XKR6: variants seen among roughly 807,000 people sequenced by gnomAD.
The protein encoded by XKR6 is XK related 6, also known as XK-related protein 6.
In XKR6, 22 loss-of-function variants were observed where a neutral mutation model predicts 56.7. That is an observed-to-expected ratio of 0.39 (90% confidence interval 0.28 to 0.55). XKR6 has a LOEUF of 0.55. Among genes scored for constraint, XKR6 ranks in the 20% least tolerant of loss-of-function variants. The probability of loss-of-function intolerance (pLI) is 0.66; values close to 1 mark genes in which losing one functional copy is unlikely to be tolerated. For synonymous variants in XKR6, 524 were observed against 387.8 expected, an observed-to-expected ratio of 1.35 and a Z score of -4.13; for missense variants, 852 against 889.0, an observed-to-expected ratio of 0.96 and a Z score of 0.53.
chr8:11,123,758 AAC>A (rs1457526791), intron 1 of XKR6: 10 of 432,502 alleles, frequency 2.3e-5, no homozygotes, highest in Non-Finnish European at 3.3e-5. Flanking sequence ...GGGAAAAAAA[AAC>A]AAAAAATGAA....
intron 1 of XKR6, among the ~76,000 whole-genome samples, chr8:10,945,789 C>A (rs1311751439): frequency 6.6e-6 from 1 of 152,194 alleles, no homozygotes; most frequent in African/African-American, 2.4e-5. Flanking sequence ...CTTCCCTTCT[C>A]CAGGCTCTGG....
At chr8:10,921,800 G>C (rs1800729463) in intron 2 of XKR6, among the ~76,000 whole-genome samples, 1 of 152,222 alleles carries the variant, frequency 6.6e-6, no homozygotes, top group Non-Finnish European at 1.5e-5. Context: ...TGGTGGTACA[G>C]AGTGGGGAAG....
intron 1 of XKR6, among the ~76,000 whole-genome samples, chr8:11,141,747 T>C (rs1800709875): frequency 1.3e-5 from 2 of 151,994 alleles, no homozygotes; most frequent in Admixed American, 1.3e-4. Context: ...CCATAGCCCT[T>C]GACTGGTGAC....
chr8:11,092,623 C>T (rs1798112685), intron 1 of XKR6, among the ~76,000 whole-genome samples: 2 of 152,126 alleles, frequency 1.3e-5, no homozygotes. Context: ...TGGTCCTGCC[C>T]TGCAAACAAG....
At chr8:11,129,473 C>T (rs1354186701) in intron 1 of XKR6, among the ~76,000 whole-genome samples, 2 of 152,116 alleles carry the variant, frequency 1.3e-5, no homozygotes, top group East Asian at 1.9e-4. Context: ...TGTTATCAAA[C>T]AGTGGAGAGC....
intron 1 of XKR6, among the ~76,000 whole-genome samples, chr8:10,977,668 A>C (rs917782042): frequency 3.3e-5 from 5 of 149,456 alleles, no homozygotes; most frequent in Admixed American, 1.4e-4. Flanking sequence ...CTCTGCCTCG[A>C]AAGGTCTATC....
intron 1 of XKR6, among the ~76,000 whole-genome samples, chr8:11,017,380 G>A (rs551338738): frequency 4.7e-4 from 72 of 152,336 alleles, no homozygotes; most frequent in African/African-American, 1.6e-3. Context: ...TGCTTACGCC[G>A]GGCAAACTGT....
chr8:10,926,654 G>A (rs1459956252), intron 1 of XKR6, among the ~76,000 whole-genome samples: 1 of 152,252 alleles, frequency 6.6e-6, no homozygotes, highest in African/African-American at 2.4e-5. Context: ...GGGGTCCCTG[G>A]CCCACCTTGC....
intron 1 of XKR6, among the ~76,000 whole-genome samples, chr8:11,065,925 T>C (rs1321017590): frequency 6.6e-6 from 1 of 152,208 alleles, no homozygotes; most frequent in Non-Finnish European, 1.5e-5. Context: ...GTGCCCACAG[T>C]ACCTGGGTTC....
At chr8:11,014,593 C>A (rs981216009) in intron 1 of XKR6, among the ~76,000 whole-genome samples, 10 of 152,154 alleles carry the variant, frequency 6.6e-5, no homozygotes, top group Non-Finnish European at 7.3e-5. Context: ...TTAGTCTCAG[C>A]TCAAAGTCTT....
Position 11,148,651 on chromosome 8 carries a change from T to C in XKR6, c.764+51925A>G, listed in dbSNP as rs79220440. On this transcript the variant is annotated intron_variant, in intron 1 of 2. Coordinates refer to ENST00000416569, the MANE Select transcript of XKR6 (RefSeq NM_173683.4). ...TAAAACCTTAAACATATACCTATCA[T>C]ATGATCCAGCTATTCCACTCCTAGG... Among the ~76,000 whole-genome samples the C allele has an allele frequency of 2.9e-3, 438 of 152,316 alleles. 1 individual carries two copies. The highest frequency in any genetic ancestry group is 0.01 in the African/African-American group (420 of 41,564).
At chr8:11,157,512 A>C (rs1801580505) in intron 1 of XKR6, among the ~76,000 whole-genome samples, 1 of 151,970 alleles carries the variant, frequency 6.6e-6, no homozygotes, top group Non-Finnish European at 1.5e-5. Context: ...GTATGTATGT[A>C]TGTATGTATG....
At chr8:10,976,785 C>G (rs1169431252) in intron 1 of XKR6, among the ~76,000 whole-genome samples, 1 of 151,446 alleles carries the variant, frequency 6.6e-6, no homozygotes. Context: ...CTCTGTCTCT[C>G]TCTCTCTCTC....
chr8:11,201,066 C>G lies in XKR6; in HGVS notation c.274G>C (p.Asp92His). ...GCCGCGGGAGGCTGCAGCGGCTGGT[C>G]CCCCCCGTCGGCGGCGGCGCTGCGG... Reference protein sequence around the residue: ...PRRSAAADGGDQPLQPPAAPG... With the variant: ...PRRSAAADGGHQPLQPPAAPG... The change falls in exon 1 of 3, where the codon GAC becomes CAC. Residue 92 changes from aspartate (D) to histidine (H), a missense_variant. By Grantham distance (81) the Asp-to-His change is moderately conservative. Transcript: ENST00000416569. The G allele has an allele frequency of 1.5e-6, 2 of 1,308,546 alleles. No individual in the cohort carries two copies. The highest frequency in any genetic ancestry group is 1.9e-6 in the Non-Finnish European group (2 of 1,031,166). The allele number at this position is 1,308,546 out of a possible 1,614,324, so 81.1% of individuals were successfully genotyped here.
chr8:11,062,587 C>T (rs1490540621), intron 1 of XKR6: 2 of 368,322 alleles, frequency 5.4e-6, no homozygotes, highest in Non-Finnish European at 1.1e-5. Flanking sequence ...AATGCACTAG[C>T]AAGGGAGAGC....
chr8:11,183,003 G>C (rs1322810390), intron 1 of XKR6, among the ~76,000 whole-genome samples: 1 of 152,174 alleles, frequency 6.6e-6, no homozygotes, highest in African/African-American at 2.4e-5. Flanking sequence ...TCACTTTGCA[G>C]AATGTCCTCC....
At chr8:11,030,204 G>T (rs1798960381) in intron 1 of XKR6, among the ~76,000 whole-genome samples, 1 of 152,144 alleles carries the variant, frequency 6.6e-6, no homozygotes. Context: ...CCTCCGCGTG[G>T]CTCCACATAC....
chr8:11,131,832 G>T (rs149781497), intron 1 of XKR6, among the ~76,000 whole-genome samples: 2 of 152,304 alleles, frequency 1.3e-5, no homozygotes, highest in Non-Finnish European at 1.5e-5. Context: ...GTGCTATACA[G>T]GCTTGAAGCC....
At chr8:11,145,361 A>G (rs1480411931) in intron 1 of XKR6, among the ~76,000 whole-genome samples, 2 of 152,180 alleles carry the variant, frequency 1.3e-5, no homozygotes, top group Non-Finnish European at 2.9e-5. Flanking sequence ...ACTAAAGATA[A>G]TAATTTTCTT....
Sources: allele counts gnomAD v4.1 joint callset (sites outside exome capture counted in the v4.1 genomes callset), GRCh38; gene constraint gnomAD v4.1.1; transcripts MANE v1.5; gene names NCBI Gene and HGNC (gene_info 2026-07-23, HGNC 2026-07-21).